SLC35F3: variants seen among roughly 807,000 people sequenced by gnomAD.
SLC35F3 encodes solute carrier family 35 member F3, also known as putative thiamine transporter SLC35F3.
Under a neutral mutation model 49.9 loss-of-function variants are expected in SLC35F3, and 25 were observed. The observed-to-expected ratio is 0.50, with a 90% CI of 0.37 to 0.70. The LOEUF is 0.70. Among genes scored for constraint, SLC35F3 ranks in the 30% least tolerant of loss-of-function variants. The probability of loss-of-function intolerance (pLI) is 0.00; values close to 1 mark genes in which losing one functional copy is unlikely to be tolerated. For synonymous variants in SLC35F3, 275 were observed against 265.4 expected, an observed-to-expected ratio of 1.04 and a Z score of -0.35; for missense variants, 525 against 639.8, an observed-to-expected ratio of 0.82 and a Z score of 1.94.
rs1253331334 is a variant in SLC35F3, at chr1:234,108,420, T to A, written c.284-122997T>A. On this transcript the variant is annotated intron_variant, in intron 2 of 7. Transcript: ENST00000366618. Reference sequence around the variant, plus strand: ...ATATTTATATATATGATATATATTATTTATATATAAAAGATATATATAAAA... The same window carrying A: ...ATATTTATATATATGATATATATTAATTATATATAAAAGATATATATAAAA... Among the ~76,000 whole-genome samples, 9 of 114,234 alleles carry A rather than the reference T, an allele frequency of 7.9e-5. No individual in the cohort carries two copies. The East Asian group carries it at 2.3e-3, about 30-fold the overall frequency. 74.9% of individuals were successfully genotyped at this position (114,234 alleles called of 152,430 possible).
chr1:234,007,339 A>G (rs867887455), intron 2 of SLC35F3, among the ~76,000 whole-genome samples: 8 of 152,138 alleles, frequency 5.3e-5, no homozygotes, highest in African/African-American at 7.2e-5. Flanking sequence ...GAAGAAGGAG[A>G]GTGAGCCCTG....
intron 2 of SLC35F3, among the ~76,000 whole-genome samples, chr1:234,157,490 A>T (rs1666171213): frequency 6.6e-6 from 1 of 150,942 alleles, no homozygotes; most frequent in Non-Finnish European, 1.5e-5. Flanking sequence ...CCATATTAAT[A>T]ATTAAAAAAA....
At chr1:233,937,085 G>C (rs909162208) in intron 2 of SLC35F3, among the ~76,000 whole-genome samples, 1 of 152,060 alleles carries the variant, frequency 6.6e-6, no homozygotes, top group Non-Finnish European at 1.5e-5. Context: ...CTACCCCCAT[G>C]AATCTAGCAG....
intron 2 of SLC35F3, among the ~76,000 whole-genome samples, chr1:234,229,425 A>G (rs1350989064): frequency 9.9e-5 from 15 of 152,242 alleles, no homozygotes. Flanking sequence ...AAATCCATAG[A>G]AACATTTTAG....
At chr1:234,250,146 A>G (rs892154798) in intron 3 of SLC35F3, among the ~76,000 whole-genome samples, 22 of 152,356 alleles carry the variant, frequency 1.4e-4, no homozygotes, top group Admixed American at 4.6e-4. Context: ...TGAAGATACT[A>G]TTTATTCAAA....
intron 2 of SLC35F3, among the ~76,000 whole-genome samples, chr1:233,912,344 G>T (rs1016881535): frequency 2.0e-5 from 3 of 152,130 alleles, no homozygotes; most frequent in Non-Finnish European, 4.4e-5. Flanking sequence ...CCGGCATGGT[G>T]GTGGGCACCT....
chr1:234,066,811 GTC>G (rs1664625410), intron 2 of SLC35F3, among the ~76,000 whole-genome samples: 1 of 79,878 alleles, frequency 1.3e-5, no homozygotes, highest in South Asian at 3.8e-4. Flanking sequence ...GTCTCTCTCT[GTC>G]TCTGTCCCTC....
chr1:234,282,267 C>T (rs1334722839), intron 3 of SLC35F3, among the ~76,000 whole-genome samples: 4 of 152,210 alleles, frequency 2.6e-5, no homozygotes. Flanking sequence ...GGACTAGAGT[C>T]TCCAGTGCTT....
At chr1:234,060,926 T>C (rs1182558508) in intron 2 of SLC35F3, among the ~76,000 whole-genome samples, 1 of 152,242 alleles carries the variant, frequency 6.6e-6, no homozygotes, top group African/African-American at 2.4e-5. Flanking sequence ...CTATGTCTTA[T>C]AGGGCACAGC....
intron 2 of SLC35F3, among the ~76,000 whole-genome samples, chr1:233,936,451 G>A: frequency 6.6e-6 from 1 of 152,018 alleles, no homozygotes; most frequent in South Asian, 2.1e-4. Context: ...AGAACAAGAG[G>A]GTAGTGGGGA....
Position 234,323,430 on chromosome 1 carries a change from C to T in SLC35F3, c.*187C>T, listed in dbSNP as rs538897759. On this transcript the variant is annotated 3_prime_UTR_variant, in exon 8 of 8. Coordinates refer to ENST00000366618, the MANE Select transcript of SLC35F3 (RefSeq NM_173508.4). The surrounding 1 kb of genome is among the most constrained non-coding windows in gnomAD (Gnocchi z 4.5). ...GACCTTCCACTTAAGGGTACCAATT[C>T]AATACAAAAGAGAAAAGAAGAACCT... 4 of 595,172 alleles carry T rather than the reference C, an allele frequency of 6.7e-6. No individual in the cohort carries two copies. Among genetic ancestry groups the T allele is most frequent in the Middle Eastern group, 8.3e-4 (2 of 2,412 alleles). 36.9% of individuals were successfully genotyped at this position (595,172 alleles called of 1,614,324 possible). A position where few individuals can be genotyped will look rare whatever the true frequency, so the allele number is the denominator to read the frequency against.
intron 2 of SLC35F3, among the ~76,000 whole-genome samples, chr1:234,043,096 G>A (rs1489673177): frequency 3.9e-5 from 6 of 152,072 alleles, no homozygotes; most frequent in Admixed American, 6.6e-5. Flanking sequence ...CGTTGCTTCC[G>A]TTTCTTAAGA....
intron 3 of SLC35F3, among the ~76,000 whole-genome samples, chr1:234,275,078 A>C (rs545561481): frequency 6.6e-6 from 1 of 152,314 alleles, no homozygotes; most frequent in African/African-American, 2.4e-5. Flanking sequence ...AAAATCTGAA[A>C]TGCTTCAAAT....
chr1:234,142,818 G>A lies in SLC35F3; in HGVS notation c.284-88599G>A, dbSNP rs140552439. Among the ~76,000 whole-genome samples, 520 of 152,256 alleles carry A rather than the reference G, an allele frequency of 3.4e-3. 6 individuals are homozygous for A. The highest frequency in any genetic ancestry group is 0.012 in the African/African-American group (497 of 41,548). On this transcript the variant is annotated intron_variant, in intron 2 of 7. Coordinates refer to ENST00000366618, the MANE Select transcript of SLC35F3 (RefSeq NM_173508.4). ...AGATTCAAGGTATCTGATCTCACCAGGGTCACATGGCCAAATATGTAACTC... is the reference window on the plus strand; with the variant it reads ...AGATTCAAGGTATCTGATCTCACCAAGGTCACATGGCCAAATATGTAACTC...
chr1:234,270,232 T>G (rs1668077044), intron 3 of SLC35F3, among the ~76,000 whole-genome samples: 1 of 152,182 alleles, frequency 6.6e-6, no homozygotes, highest in Non-Finnish European at 1.5e-5. Context: ...GCAAAATTTT[T>G]GGCACCTGCC....
intron 2 of SLC35F3, among the ~76,000 whole-genome samples, chr1:233,931,844 G>A (rs1055226310): frequency 9.9e-5 from 15 of 152,232 alleles, no homozygotes; most frequent in African/African-American, 2.4e-4. Context: ...ACATGTACAC[G>A]TATGTTTATT....
intron 2 of SLC35F3, among the ~76,000 whole-genome samples, chr1:234,035,275 T>A (rs1664124963): frequency 6.6e-6 from 1 of 152,178 alleles, no homozygotes; most frequent in Admixed American, 6.5e-5. Context: ...TTGGCTAGAG[T>A]TGAAAATAAT....
rs779681594 is a variant in SLC35F3, at chr1:234,218,067, A to C, written c.284-13350A>C. Among the ~76,000 whole-genome samples, 12 of 152,174 alleles carry C rather than the reference A, an allele frequency of 7.9e-5. 1 individual carries two copies. The highest frequency in any genetic ancestry group is 1.0e-4 in the Non-Finnish European group (7 of 68,028). On this transcript the variant is annotated intron_variant, in intron 2 of 7. Coordinates refer to ENST00000366618, the MANE Select transcript of SLC35F3 (RefSeq NM_173508.4). ...CTTAGATAGGGGTTAAGGTTTGAAAAGTGTGTTCTGGCGAGATTGATGGCA... is the reference window on the plus strand; with the variant it reads ...CTTAGATAGGGGTTAAGGTTTGAAACGTGTGTTCTGGCGAGATTGATGGCA...
Position 234,247,355 on chromosome 1 carries a change from A to G in SLC35F3, c.608+15614A>G, listed in dbSNP as rs189380500. Among the ~76,000 whole-genome samples, 351 of 152,224 alleles carry G rather than the reference A, an allele frequency of 2.3e-3. 2 individuals are homozygous for G. The highest frequency in any genetic ancestry group is 6.8e-3 in the Middle Eastern group (2 of 294). ...GTTTGATAGTTTGGTTGGCTGTTCC[A>G]TTGTTCGGTAGGTTGGTTGGCTGGT... On this transcript the variant is annotated intron_variant, in intron 3 of 7. Transcript: ENST00000366618.
Sources: gnomAD v4.1 joint callset for allele counts (sites outside exome capture counted in the v4.1 genomes callset) on GRCh38, gnomAD v4.1.1 for gene constraint, Gnocchi (gnomAD v3.1) non-coding constraint, MANE v1.5 for transcripts, NCBI Gene and HGNC (gene_info 2026-07-23, HGNC 2026-07-21) for gene names.